IL17RC: variants seen among roughly 807,000 people sequenced by gnomAD.
The protein encoded by IL17RC is interleukin-17 receptor C.
Under a neutral mutation model 86.7 loss-of-function variants are expected in IL17RC, and 53 were observed. The observed-to-expected ratio is 0.61, with a 90% CI of 0.49 to 0.77. The LOEUF (loss-of-function observed/expected upper bound fraction) is 0.77, where lower values mean the gene tolerates loss of function less well. Among genes scored for constraint, IL17RC ranks in the 30% least tolerant of loss-of-function variants. The pLI, the probability that IL17RC is intolerant of heterozygous loss-of-function variation, is 0.00. For synonymous variants in IL17RC, 439 were observed against 413.1 expected, an observed-to-expected ratio of 1.06 and a Z score of -0.76; for missense variants, 957 against 940.0, an observed-to-expected ratio of 1.02 and a Z score of -0.24.
At position 9,933,009 on chromosome 3, in the gene IL17RC, G is replaced by C. The variant is rs1269862673; in HGVS notation, c.1579G>C (p.Glu527Gln). 1.3e-6 allele frequency: 2 copies of C among 1,568,440 alleles called. No individual in the cohort carries two copies. Among genetic ancestry groups the C allele is most frequent in the East Asian group, 2.2e-5 (1 of 44,496 alleles). Residue 527 changes from glutamate (E) to glutamine (Q), a missense_variant, in exon 19 of 19, where the codon GAG becomes CAG. Transcript: ENST00000403601. ...CTACTCAGCCGATGACTCGGGTTTC[G>C]AGCGCCTGGTGGGCGCCCTGGCGTC... ...LLYSADDSGF[E>Q]RLVGALASAL...
chr3:9,922,936 G>A (rs1263032960), intron 7 of IL17RC, among the ~76,000 whole-genome samples: 2 of 152,154 alleles, frequency 1.3e-5, no homozygotes, highest in East Asian at 3.9e-4. Context: ...AGCACTTTGG[G>A]AGGCCGAGGC....
rs1401621932 is a variant in IL17RC, at chr3:9,933,587, G to A, written c.2157G>A (p.Gly719=). Residue 719 remains glycine (G), a synonymous_variant, in exon 19 of 19, where the codon GGG becomes GGA. Coordinates refer to ENST00000403601, the MANE Select transcript of IL17RC (RefSeq NM_153460.4). ...GPGAGPGAGD[G]T is the part of the protein sequence containing the mutation. ...GCGCGGGACCTGGGGCGGGGGACGGGACTTAAATAAAGGCAGACGCTGTTT... is the reference window on the plus strand; with the variant it reads ...GCGCGGGACCTGGGGCGGGGGACGGAACTTAAATAAAGGCAGACGCTGTTT... 5 of 1,591,738 alleles carry A rather than the reference G, an allele frequency of 3.1e-6. No homozygotes were observed. Among genetic ancestry groups the A allele is most frequent in the Non-Finnish European group, 3.4e-6 (4 of 1,171,488 alleles).
chr3:9,924,543 C>T (rs897378287), intron 9 of IL17RC, among the ~76,000 whole-genome samples: 3 of 152,048 alleles, frequency 2.0e-5, no homozygotes, highest in Non-Finnish European at 4.4e-5. Context: ...GTCACCTTCT[C>T]CTTGAAACCT....
intron 9 of IL17RC, among the ~76,000 whole-genome samples, chr3:9,927,930 C>T (rs2084244498): frequency 6.6e-6 from 1 of 150,562 alleles, no homozygotes; most frequent in South Asian, 2.1e-4. Flanking sequence ...GCCTGGGCGA[C>T]AGAGCGAGAC....
In IL17RC at chr3:9,917,725, C is replaced by T. The variant is rs757246461; in HGVS notation, c.118C>T (p.Arg40Cys). 30 of 1,613,732 alleles carry T rather than the reference C, an allele frequency of 1.9e-5. No individual in the cohort carries two copies. Among genetic ancestry groups the T allele is most frequent in the Non-Finnish European group, 2.4e-5 (28 of 1,180,018 alleles). The change falls in exon 2 of 19, where the codon CGC becomes TGC. Residue 40 changes from arginine (R) to cysteine (C), a missense_variant. By Grantham distance (180) the Arg-to-Cys change is radical (BLOSUM62 -3). Transcript: ENST00000403601. ...ATHCSPGLSC[R>C]LWDSDILCLP... The stretch of plus-strand genomic sequence containing the variant: ...CTTTCCTTCCCAGGGCCTCTCCTGC[C>T]GCCTCTGGGGTAAGTATCCCTACTT...
At chr3:9,931,468 CACATATATATAT>C (rs1231631381) in intron 16 of IL17RC, among the ~76,000 whole-genome samples, 8 of 17,930 alleles carry the variant, frequency 4.5e-4, no homozygotes, top group African/African-American at 7.3e-4. Flanking sequence ...CACACACACA[CACATATATATAT>C]ATATATATAT....
In IL17RC at chr3:9,930,175, C is replaced by T; in HGVS notation, c.1278+26C>T. ...GTTAGGACTGGGCGACCCTCCTCCA[C>T]AGATCTCTCCAAATGCATCTCACAT... is the stretch of plus-strand genomic sequence containing the variant. On this transcript the variant is annotated intron_variant, in intron 14 of 18. Transcript: ENST00000403601. This position sits in a 1 kb window ranked among gnomAD's most constrained non-coding sequence, Gnocchi z 5.8. 1 of 1,612,858 alleles carries T rather than the reference C, an allele frequency of 6.2e-7. No individual in the cohort carries two copies. Among genetic ancestry groups the T allele is most frequent in the Non-Finnish European group, 8.5e-7 (1 of 1,179,424 alleles).
chr3:9,918,559 C>A lies in IL17RC; in HGVS notation c.415C>A (p.Leu139Met). Reference protein sequence around the residue: ...FQAYPTARCVLLEVQVPAALV... With the variant: ...FQAYPTARCVMLEVQVPAALV... ...GGCCTACCCTACTGCCCGCTGCGTC[C>A]TGCTGGAGGTGCAAGTGCCTGCTGC... The change falls in exon 5 of 19, where the codon CTG (leucine) becomes ATG (methionine). Residue 139 changes from leucine (L) to methionine (M), a missense_variant. Leu to Met is a conservative substitution (Grantham distance 15, BLOSUM62 2). Coordinates refer to ENST00000403601, the MANE Select transcript of IL17RC (RefSeq NM_153460.4). 1.2e-6 allele frequency: 2 copies of A among 1,614,214 alleles called. No homozygotes were observed. Among genetic ancestry groups the A allele is most frequent in the Non-Finnish European group, 1.7e-6 (2 of 1,180,036 alleles).
intron 12 of IL17RC, chr3:9,928,904 A>G: frequency 2.0e-6 from 1 of 499,842 alleles, no homozygotes; most frequent in South Asian, 3.2e-5. Context: ...TCCCCTTAGG[A>G]ATCGGTACAG....
intron 7 of IL17RC, among the ~76,000 whole-genome samples, chr3:9,923,592 A>G (rs1328386377): frequency 6.6e-6 from 1 of 152,094 alleles, no homozygotes; most frequent in Non-Finnish European, 1.5e-5. Context: ...AAGGTCAGAA[A>G]GGTCACAGTT....
chr3:9,918,449 GC>G, intron 4 of IL17RC, 40 bp downstream of exon 4: 1 of 1,610,220 alleles, frequency 6.2e-7, no homozygotes, highest in South Asian at 1.1e-5. Flanking sequence ...CCATGCCAAG[GC>G]CTGGCCTGCC....
rs148102914 is a variant in IL17RC, at chr3:9,929,016, A to G, written c.1110+386A>G. 592 of 191,346 alleles carry G rather than the reference A, an allele frequency of 3.1e-3. 1 individual carries two copies. The highest frequency in any genetic ancestry group is 9.0e-3 in the Middle Eastern group (4 of 446). The allele number at this position is 191,346 out of a possible 1,614,324, so 11.9% of individuals were successfully genotyped here. A position where few individuals can be genotyped will look rare whatever the true frequency, so the allele number is the denominator to read the frequency against. On this transcript the variant is annotated intron_variant, in intron 12 of 18. Coordinates refer to ENST00000403601, the MANE Select transcript of IL17RC (RefSeq NM_153460.4). ...TCTACAGTTTCAAAGGGTGATTATA[A>G]GAACATTCACTCATCCGGCCAGGCG... is the stretch of plus-strand genomic sequence containing the variant.
chr3:9,928,116 A>G (rs202092245), intron 9 of IL17RC, 50 bp from the exon 10 acceptor site: 4 of 1,573,694 alleles, frequency 2.5e-6, no homozygotes, highest in Middle Eastern at 1.7e-4. Flanking sequence ...GCAGAGGGCC[A>G]GGCACATGCC....
intron 9 of IL17RC, among the ~76,000 whole-genome samples, chr3:9,927,246 G>A (rs1353108775): frequency 3.3e-5 from 5 of 152,022 alleles, no homozygotes; most frequent in African/African-American, 9.7e-5. Flanking sequence ...GCTTACACAA[G>A]TGATTGTGGA....
chr3:9,917,605 G>T lies in IL17RC; in HGVS notation c.106-108G>T, dbSNP rs752623690. 13 of 1,614,098 alleles carry T rather than the reference G, an allele frequency of 8.1e-6. No homozygotes were observed. The Admixed American group carries it at 2.2e-4, about 27-fold the overall frequency. On this transcript the variant is annotated intron_variant, in intron 1 of 18. Transcript: ENST00000403601. ...AGCTGGGTCTGTCTTTCTCTGGGAGGGTCTGGGAATACGGAGCCCCAGAAA... is the reference window on the plus strand; with the variant it reads ...AGCTGGGTCTGTCTTTCTCTGGGAGTGTCTGGGAATACGGAGCCCCAGAAA...
rs373444332 is a variant in IL17RC at position 9,917,718 on chromosome 3, C to G, written c.111C>G (p.Leu37=). The change falls in exon 2 of 19, where the codon CTC becomes CTG. Residue 37 remains leucine, a synonymous_variant. Transcript: ENST00000403601. ...PQDATHCSPG[L]SCRLWDSDIL... is the part of the protein sequence containing the mutation. ...CTCCTTTCTTTCCTTCCCAGGGCCT[C>G]TCCTGCCGCCTCTGGGGTAAGTATC... is the stretch of plus-strand genomic sequence containing the variant. 2 of 1,613,788 alleles carry G rather than the reference C, an allele frequency of 1.2e-6. No homozygotes were observed. Among genetic ancestry groups the G allele is most frequent in the Non-Finnish European group, 1.7e-6 (2 of 1,180,018 alleles).
intron 7 of IL17RC, among the ~76,000 whole-genome samples, chr3:9,923,549 CAA>C (rs111686823): frequency 2.2e-5 from 3 of 135,270 alleles, no homozygotes; most frequent in Non-Finnish European, 3.2e-5. Flanking sequence ...GACTCCCTCT[CAA>C]AAAAAAAAAA....
rs373869167 is a variant in IL17RC, at chr3:9,926,614, GT to G, written c.823-1542del. On this transcript the variant is annotated intron_variant, in intron 9 of 18. Coordinates refer to ENST00000403601, the MANE Select transcript of IL17RC (RefSeq NM_153460.4). ...TTGTTTTTTGTTTTTTTGTGTTTTT[GT>G]TTTTTTTTTGTTTTTTTGTCTTTTT... 8.8e-4 allele frequency among the ~76,000 whole-genome samples: 129 copies of G among 146,544 alleles called. No homozygotes were observed. In the Middle Eastern group the frequency reaches 0.011, roughly 12 times the overall value.
chr3:9,924,815 T>A (rs972689754), intron 9 of IL17RC, among the ~76,000 whole-genome samples: 1 of 152,192 alleles, frequency 6.6e-6, no homozygotes, highest in Non-Finnish European at 1.5e-5. Flanking sequence ...ATTTATTTAT[T>A]TTTTTAGACA....
Sources: gnomAD v4.1 joint callset for allele counts (sites outside exome capture counted in the v4.1 genomes callset) on GRCh38, gnomAD v4.1.1 for gene constraint, Gnocchi (gnomAD v3.1) non-coding constraint, MANE v1.5 for transcripts, NCBI Gene and HGNC (gene_info 2026-07-23, HGNC 2026-07-21) for gene names.